Variants in SEMA3D observed in about 807,000 individuals in gnomAD.
The protein encoded by SEMA3D is semaphorin-3D.
SEMA3D carries 84 observed loss-of-function variants against 100.1 expected under a neutral mutation model. The observed-to-expected ratio is 0.84, with a 90% confidence interval of 0.70 to 1.01. SEMA3D has a LOEUF of 1.01. Among genes scored for constraint, SEMA3D ranks in the 50% least tolerant of loss-of-function variants. The pLI, the probability that SEMA3D is intolerant of heterozygous loss-of-function variation, is 0.00. For missense variants in SEMA3D, 875 were observed against 934.1 expected, an observed-to-expected ratio of 0.94 and a Z score of 0.82; for synonymous variants, 312 against 320.7, an observed-to-expected ratio of 0.97 and a Z score of 0.29.
At chr7:85,079,171 A>G (rs1391163545) in intron 5 of SEMA3D, among the ~76,000 whole-genome samples, 2 of 152,206 alleles carry the variant, frequency 1.3e-5, no homozygotes, top group African/African-American at 4.8e-5. Flanking sequence ...AGAAAATAGA[A>G]AATAATAATA....
intron 16 of SEMA3D, among the ~76,000 whole-genome samples, chr7:85,013,257 C>A (rs1007121232): frequency 6.6e-6 from 1 of 151,654 alleles, no homozygotes; most frequent in Admixed American, 6.6e-5. Flanking sequence ...TGGCTAGGAA[C>A]ATATACACAA....
chr7:85,093,669 G>C lies in SEMA3D; in HGVS notation c.312+4136C>G, dbSNP rs555851989. Among the ~76,000 whole-genome samples, 11 of 151,932 alleles carry C rather than the reference G, an allele frequency of 7.2e-5. No homozygotes were observed. In the South Asian group the frequency reaches 2.3e-3, roughly 31 times the overall value. On this transcript the variant is annotated intron_variant, in intron 4 of 18. Coordinates refer to ENST00000284136, the MANE Select transcript of SEMA3D (RefSeq NM_001384900.1). ...CGCTAATTGATAAAAGTAATATAGT[G>C]GTTTCTTACTCAAAAAAGGAAAACT...
intron 4 of SEMA3D, among the ~76,000 whole-genome samples, chr7:85,084,811 A>G (rs1462006964): frequency 6.6e-6 from 1 of 152,110 alleles, no homozygotes; most frequent in Non-Finnish European, 1.5e-5. Flanking sequence ...CCCTCTCTAT[A>G]TATCCATGTA....
intron 2 of SEMA3D, among the ~76,000 whole-genome samples, chr7:85,149,767 A>G (rs1257151518): frequency 1.3e-5 from 2 of 152,172 alleles, no homozygotes; most frequent in Non-Finnish European, 2.9e-5. Flanking sequence ...ATTAGCATCT[A>G]ATAGTCTAAC....
At chr7:85,171,159 C>T (rs574472115) in intron 1 of SEMA3D, among the ~76,000 whole-genome samples, 22 of 152,088 alleles carry the variant, frequency 1.4e-4, no homozygotes, top group Middle Eastern at 3.4e-3. Flanking sequence ...CAGTAGGAGA[C>T]GGCACGTGGT....
intron 8 of SEMA3D, among the ~76,000 whole-genome samples, chr7:85,058,170 T>A (rs1791374984): frequency 6.6e-6 from 1 of 152,218 alleles, no homozygotes; most frequent in Admixed American, 6.5e-5. Context: ...AGAGCTTCAA[T>A]GGACTTTTAT....
chr7:85,055,739 G>A lies in SEMA3D; in HGVS notation c.839C>T (p.Ser280Phe), dbSNP rs1231957532. 1.3e-6 allele frequency: 2 copies of A among 1,520,574 alleles called. No individual in the cohort carries two copies. Among genetic ancestry groups the A allele is most frequent in the South Asian group, 2.5e-5 (2 of 81,118 alleles). 94.2% of individuals were successfully genotyped at this position (1,520,574 alleles called of 1,614,324 possible). Residue 280 changes from serine to phenylalanine, a missense_variant, in exon 9 of 19, where the codon TCT (serine) becomes TTT (phenylalanine). Coordinates refer to ENST00000284136, the MANE Select transcript of SEMA3D (RefSeq NM_001384900.1). ...EGSTSDKTIL[S>F]RVGRVCKNDV... ...TGCCTTACAAACTCTTCCAACTCGA[G>A]AAAGGATGGTTTTATCGGAGGTACT...
At chr7:85,203,087 C>T in the SEMA3D span, among the ~76,000 whole-genome samples, 1 of 152,166 alleles carries the variant, frequency 6.6e-6, no homozygotes. Flanking sequence ...CATGAGATTT[C>T]AGCAGTTCTC....
intron 17 of SEMA3D, among the ~76,000 whole-genome samples, chr7:85,011,274 T>G (rs1400379842): frequency 1.3e-5 from 2 of 151,664 alleles, no homozygotes; most frequent in African/African-American, 4.8e-5. Context: ...TAAGTAAAAA[T>G]GAGAACCGAA....
chr7:85,045,128 A>G (rs1475146807), intron 9 of SEMA3D, among the ~76,000 whole-genome samples: 1 of 152,052 alleles, frequency 6.6e-6, no homozygotes, highest in Non-Finnish European at 1.5e-5. Flanking sequence ...GGACCAAACT[A>G]CATATGTAGA....
chr7:85,115,176 G>T (rs1458063109), intron 3 of SEMA3D, among the ~76,000 whole-genome samples: 1 of 152,170 alleles, frequency 6.6e-6, no homozygotes, highest in Non-Finnish European at 1.5e-5. Flanking sequence ...CCTCAGGAAA[G>T]AAATACTTAT....
chr7:85,022,688 T>G, intron 12 of SEMA3D, 75 bp from the exon 13 acceptor site: 1 of 894,046 alleles, frequency 1.1e-6, no homozygotes. Flanking sequence ...CCAATAAAAT[T>G]TGTATAGCTT....
Position 85,113,685 on chromosome 7 carries a change from C to A in SEMA3D, c.151+8056G>T, listed in dbSNP as rs113666923. ...ATTCGGGAGGCTGAGGCAGGAGAAT[C>A]GCTTGAACCCAGGAGGTGGAGTTTG... On this transcript the variant is annotated intron_variant, in intron 3 of 18. Coordinates refer to ENST00000284136, the MANE Select transcript of SEMA3D (RefSeq NM_001384900.1). Among the ~76,000 whole-genome samples, 6 of 150,552 alleles carry A rather than the reference C, an allele frequency of 4.0e-5. No individual in the cohort carries two copies. The East Asian group carries it at 1.2e-3, about 30-fold the overall frequency.
At chr7:85,219,510 T>C in the SEMA3D span, among the ~76,000 whole-genome samples, 3 of 152,070 alleles carry the variant, frequency 2.0e-5, no homozygotes, top group Non-Finnish European at 4.4e-5. Flanking sequence ...ATATGGTAAA[T>C]ATATGTGATT....
chr7:85,126,720 T>A (rs1367232355), intron 2 of SEMA3D, among the ~76,000 whole-genome samples: 2 of 152,016 alleles, frequency 1.3e-5, no homozygotes, highest in African/African-American at 4.8e-5. Flanking sequence ...CTGGCATGGC[T>A]GTGGACAGCA....
At chr7:85,191,746 C>T (rs1791697848), upstream of SEMA3D, among the ~76,000 whole-genome samples, 3 of 152,240 alleles carry the variant, frequency 2.0e-5, no homozygotes, top group South Asian at 6.2e-4. Context: ...CTGCTTTGTT[C>T]AAGGTCATAA....
chr7:85,007,901 T>C (rs962636069), intron 17 of SEMA3D, among the ~76,000 whole-genome samples: 37 of 151,826 alleles, frequency 2.4e-4, no homozygotes, highest in African/African-American at 8.2e-4. Flanking sequence ...GCACATATAT[T>C]AGTTAGGCTT....
At chr7:85,006,196 T>A (rs561831664) in intron 18 of SEMA3D, among the ~76,000 whole-genome samples, 1 of 152,034 alleles carries the variant, frequency 6.6e-6, no homozygotes, top group Non-Finnish European at 1.5e-5. Context: ...AATTTTATAG[T>A]AACTTTTGAA....
At chr7:85,144,727 T>C (rs766437403) in intron 2 of SEMA3D, 29 of 949,298 alleles carry the variant, frequency 3.1e-5, no homozygotes, top group African/African-American at 5.3e-5. Context: ...CCCTTGCCTC[T>C]AGTATGATAT....
Sources: allele counts gnomAD v4.1 joint callset (sites outside exome capture counted in the v4.1 genomes callset), GRCh38; gene constraint gnomAD v4.1.1; transcripts MANE v1.5; gene names NCBI Gene and HGNC (gene_info 2026-07-23, HGNC 2026-07-21).